The following DPH6 variants were observed in gnomAD, a reference collection of about 807,000 sequenced individuals.
The protein encoded by DPH6 is diphthine--ammonia ligase.
In DPH6, 33 loss-of-function variants were observed where a neutral mutation model predicts 38.2. The ratio of observed to expected loss-of-function variants is 0.86; its 90% CI spans 0.65 to 1.15. DPH6 has a LOEUF of 1.15. Ranked by LOEUF, DPH6 falls within the 50% of genes most tolerant of loss-of-function variation. The pLI is 0.00. For synonymous variants in DPH6, 108 were observed against 103.0 expected (o/e 1.05, Z -0.30); for missense variants, 325 against 320.0 (o/e 1.02, Z -0.12).
chr15:35,277,068 C>T (rs551972027), intron 3 of DPH6, among the ~76,000 whole-genome samples: 2 of 152,036 alleles, frequency 1.3e-5, no homozygotes, highest in African/African-American at 2.4e-5. Flanking sequence ...GAGCATGGAA[C>T]GTGTTTCTAT....
chr15:35,526,093 T>TA (rs373728788), intron 3 of DPH6, among the ~76,000 whole-genome samples: 1 of 152,088 alleles, frequency 6.6e-6, no homozygotes, highest in Non-Finnish European at 1.5e-5. Flanking sequence ...ATCAGGCCAA[T>TA]AAAAATGTTT....
intron 3 of DPH6, among the ~76,000 whole-genome samples, chr15:35,471,976 T>C (rs1203573217): frequency 6.6e-6 from 1 of 152,238 alleles, no homozygotes; most frequent in Non-Finnish European, 1.5e-5. Flanking sequence ...TGACCATTTA[T>C]TTTAATTTAT....
chr15:35,179,699 G>A, the DPH6 span, among the ~76,000 whole-genome samples: 1 of 152,200 alleles, frequency 6.6e-6, no homozygotes, highest in Non-Finnish European at 1.5e-5. Flanking sequence ...CTGCTGGCTT[G>A]TAAAGACAGG....
chr15:35,190,263 A>C, the DPH6 span, among the ~76,000 whole-genome samples: 1 of 152,354 alleles, frequency 6.6e-6, no homozygotes, highest in African/African-American at 2.4e-5. Context: ...ATCAAGACAG[A>C]GGACTTGCAA....
At chr15:35,312,722 TCC>T (rs1230321756) in intron 3 of DPH6, among the ~76,000 whole-genome samples, 4 of 152,322 alleles carry the variant, frequency 2.6e-5, no homozygotes, top group African/African-American at 9.6e-5. Context: ...GAACTCTATT[TCC>T]TTCTTTTGCA....
chr15:35,365,213 C>A (rs1417129579), intron 3 of DPH6, among the ~76,000 whole-genome samples: 1 of 152,038 alleles, frequency 6.6e-6, no homozygotes, highest in Non-Finnish European at 1.5e-5. Context: ...TTCCCTAAAA[C>A]CCAATCACCA....
intron 5 of DPH6, among the ~76,000 whole-genome samples, chr15:35,430,810 C>T (rs918737433): frequency 3.3e-5 from 5 of 152,082 alleles, no homozygotes; most frequent in African/African-American, 1.2e-4. Context: ...TGACACTGCT[C>T]CAGTTTCCTA....
intron 3 of DPH6, among the ~76,000 whole-genome samples, chr15:35,261,603 C>T (rs929066148): frequency 1.3e-5 from 2 of 151,976 alleles, no homozygotes; most frequent in Admixed American, 1.3e-4. Flanking sequence ...GAGGCAGAGG[C>T]GGGAAGATCG....
intron 3 of DPH6, among the ~76,000 whole-genome samples, chr15:35,232,650 G>A (rs2051526263): frequency 6.6e-6 from 1 of 151,716 alleles, no homozygotes; most frequent in African/African-American, 2.4e-5. Flanking sequence ...GGCATGAAGG[G>A]AAACACTCCA....
intron 3 of DPH6, among the ~76,000 whole-genome samples, chr15:35,263,742 C>T (rs183314689): frequency 5.3e-5 from 8 of 151,446 alleles, no homozygotes; most frequent in African/African-American, 1.5e-4. Flanking sequence ...GACAGAGTCT[C>T]GCTCTGTCAC....
At chr15:35,151,102 T>C in the DPH6 span, among the ~76,000 whole-genome samples, 5 of 152,226 alleles carry the variant, frequency 3.3e-5, no homozygotes, top group Non-Finnish European at 5.9e-5. Flanking sequence ...GGTAACTCGA[T>C]TGAGTTACTC....
At chr15:35,423,494 T>C (rs977961761) in intron 5 of DPH6, among the ~76,000 whole-genome samples, 1 of 151,756 alleles carries the variant, frequency 6.6e-6, no homozygotes, top group African/African-American at 2.4e-5. Context: ...ACTCCCCAGG[T>C]TGCCTTTTCA....
At chr15:35,148,348 T>A in the DPH6 span, among the ~76,000 whole-genome samples, 1 of 152,226 alleles carries the variant, frequency 6.6e-6, no homozygotes, top group Non-Finnish European at 1.5e-5. Flanking sequence ...GGGAACATTA[T>A]GTATCAGTTT....
At chr15:35,186,470 C>T in the DPH6 span, among the ~76,000 whole-genome samples, 1 of 152,164 alleles carries the variant, frequency 6.6e-6, no homozygotes, top group East Asian at 1.9e-4. Flanking sequence ...CTCATTTCCA[C>T]ATAAGTACCC....
rs16960769 is a variant in DPH6, at chr15:35,294,862, A to T, written n.201-74280T>A. Among the ~76,000 whole-genome samples the T allele has an allele frequency of 0.022, 3,281 of 152,328 alleles. 299 individuals carry two copies. In the East Asian group the frequency reaches 0.32, roughly 15 times the overall value. ...TTTCCTAAAGCTATGAGACTTGTAC[A>T]GAAATCAAAGAGAAGACAAACAGCT... On this transcript the variant is annotated intron_variant and non_coding_transcript_variant, in intron 3 of 3. Coordinates refer to the DPH6 transcript ENST00000560386.
At chr15:35,291,884 A>G (rs920551864) in intron 3 of DPH6, among the ~76,000 whole-genome samples, 1 of 151,806 alleles carries the variant, frequency 6.6e-6, no homozygotes, top group Non-Finnish European at 1.5e-5. Flanking sequence ...TCCTCACTTT[A>G]TTTCCTATTT....
At chr15:35,403,316 T>C (rs772809857) in intron 6 of DPH6, among the ~76,000 whole-genome samples, 5 of 152,136 alleles carry the variant, frequency 3.3e-5, no homozygotes, top group Non-Finnish European at 7.4e-5. Context: ...GCATTAAAAA[T>C]TGTTTAATTT....
downstream of DPH6, among the ~76,000 whole-genome samples, chr15:35,214,773 A>T (rs1374044280): frequency 1.3e-5 from 2 of 152,018 alleles, no homozygotes; most frequent in South Asian, 4.1e-4. Context: ...CATCCGGCTA[A>T]TTTTTTGTAT....
chr15:35,307,453 T>G (rs141838055), intron 3 of DPH6, among the ~76,000 whole-genome samples: 6 of 152,300 alleles, frequency 3.9e-5, no homozygotes, highest in African/African-American at 1.2e-4. Context: ...AGAGACTAAA[T>G]GTAATACCTG....
Sources: allele counts gnomAD v4.1 joint callset (sites outside exome capture counted in the v4.1 genomes callset), GRCh38; gene constraint gnomAD v4.1.1; transcripts MANE v1.5; gene names NCBI Gene and HGNC (gene_info 2026-07-23, HGNC 2026-07-21).